GLDC: variants seen among roughly 807,000 people sequenced by gnomAD.
GLDC encodes the protein glycine decarboxylase.
GLDC carries 104 observed loss-of-function variants against 121.3 expected under a neutral mutation model. That is an observed-to-expected ratio of 0.86 (90% CI 0.73 to 1.01). GLDC has a LOEUF of 1.01. GLDC is among the 50% of genes least tolerant of loss of function. The pLI, the probability that GLDC is intolerant of heterozygous loss-of-function variation, is 0.00. For synonymous variants in GLDC, 546 were observed against 480.6 expected (o/e 1.14, Z -1.78); for missense variants, 1,429 against 1,306.6 (o/e 1.09, Z -1.44).
intron 16 of GLDC, among the ~76,000 whole-genome samples, chr9:6,561,649 G>GA (rs1446849758): frequency 8.9e-6 from 1 of 112,424 alleles, no homozygotes; most frequent in Non-Finnish European, 1.7e-5. Flanking sequence ...AGTCTCTCTT[G>GA]GGGGAAAAAA....
intron 4 of GLDC, among the ~76,000 whole-genome samples, chr9:6,609,692 T>A (rs1000870166): frequency 6.7e-6 from 1 of 149,962 alleles, no homozygotes; most frequent in Non-Finnish European, 1.5e-5. Flanking sequence ...TCCCGCCCTC[T>A]GCCCTCCCAA....
At chr9:6,592,252 A>G (rs954598915) in intron 10 of GLDC, 29 bp from the exon 11 acceptor site, 1 of 1,354,074 alleles carries the variant, frequency 7.4e-7, no homozygotes, top group Non-Finnish European at 1.1e-6. Context: ...AATGGAAAAC[A>G]TCAACTCTAA....
intron 4 of GLDC, among the ~76,000 whole-genome samples, chr9:6,608,769 TAATA>T (rs1183757329): frequency 5.3e-5 from 8 of 151,110 alleles, no homozygotes; most frequent in Admixed American, 2.6e-4. Context: ...AATTAATAAA[TAATA>T]AATAAATAAA....
chr9:6,624,201 A>G (rs1819184408), intron 2 of GLDC, among the ~76,000 whole-genome samples: 1 of 152,228 alleles, frequency 6.6e-6, no homozygotes, highest in Non-Finnish European at 1.5e-5. Flanking sequence ...GAGTGTTACA[A>G]GTTGAATTGT....
intron 2 of GLDC, among the ~76,000 whole-genome samples, chr9:6,636,707 C>G (rs1275183489): frequency 6.6e-6 from 1 of 151,814 alleles, no homozygotes; most frequent in Non-Finnish European, 1.5e-5. Flanking sequence ...CCCAGGAGGT[C>G]GAGGCTGCAG....
intron 6 of GLDC, 30 bp from the exon 7 acceptor site, chr9:6,604,814 G>A (rs1391399998): frequency 1.9e-6 from 3 of 1,567,370 alleles, no homozygotes; most frequent in Non-Finnish European, 2.6e-6. Context: ...AAAGGAACAA[G>A]GTTGCTACCT....
intron 7 of GLDC, among the ~76,000 whole-genome samples, chr9:6,602,578 C>T (rs1353140479): frequency 6.6e-6 from 1 of 151,990 alleles, no homozygotes; most frequent in Non-Finnish European, 1.5e-5. Context: ...GTCTTGAACT[C>T]CTGGCCTCAG....
rs376719104 is a variant in GLDC at position 6,592,237 on chromosome 9, A to C, written c.1402-14T>G. 2.0e-5 allele frequency: 30 copies of C among 1,510,362 alleles called. No individual in the cohort carries two copies. Among genetic ancestry groups the C allele is most frequent in the Non-Finnish European group, 2.7e-5 (29 of 1,086,448 alleles). 93.6% of individuals were successfully genotyped at this position (1,510,362 alleles called of 1,614,324 possible). On this transcript the variant is annotated splice_polypyrimidine_tract_variant and intron_variant, in intron 10 of 24. Transcript: ENST00000321612. Reference sequence around the variant, plus strand: ...AGAAATACCAAGCTACAGAAACACAAACAAAATGGAAAACATCAACTCTAA... The same window carrying C: ...AGAAATACCAAGCTACAGAAACACACACAAAATGGAAAACATCAACTCTAA...
intron 14 of GLDC, 90 bp from the exon 15 acceptor site, chr9:6,587,373 G>A (rs1818292441): frequency 3.0e-6 from 3 of 1,004,734 alleles, no homozygotes; most frequent in Non-Finnish European, 4.7e-6. Context: ...GATGAGAAAA[G>A]CTATGTGCCA....
At chr9:6,553,265 T>G in intron 20 of GLDC, 103 bp downstream of exon 20, 1 of 1,013,708 alleles carries the variant, frequency 9.9e-7, no homozygotes. Flanking sequence ...TCTCAGATCA[T>G]GAATTTATTT....
chr9:6,604,689 T>C lies in GLDC; in HGVS notation c.957A>G (p.Arg319=). 2 of 1,614,054 alleles carry C rather than the reference T, an allele frequency of 1.2e-6. No individual in the cohort carries two copies. Among genetic ancestry groups the C allele is most frequent in the African/African-American group, 1.3e-5 (1 of 75,034 alleles). Residue 319 remains arginine, a synonymous_variant, in exon 7 of 25, where the codon AGA becomes AGG. Transcript: ENST00000321612. ...GVDIALGSSQ[R]FGVPLGYGGP... is the part of the protein sequence containing the mutation. Reference sequence around the variant, plus strand: ...CCCCATAGCCCAGTGGCACTCCAAATCTCTGGGAGCTGCCCAGGGCGATGT... The same window carrying C: ...CCCCATAGCCCAGTGGCACTCCAAACCTCTGGGAGCTGCCCAGGGCGATGT...
intron 9 of GLDC, among the ~76,000 whole-genome samples, chr9:6,593,618 A>T (rs559774775): frequency 6.6e-6 from 1 of 151,546 alleles, no homozygotes; most frequent in South Asian, 2.1e-4. Context: ...ATGCTTTCCT[A>T]TAGATCACTA....
chr9:6,543,145 G>A (rs1817305723), intron 21 of GLDC, among the ~76,000 whole-genome samples: 1 of 151,532 alleles, frequency 6.6e-6, no homozygotes, highest in Non-Finnish European at 1.5e-5. Flanking sequence ...GTGTGTGGCA[G>A]ACATCTGTAG....
intron 2 of GLDC, among the ~76,000 whole-genome samples, chr9:6,627,346 T>C (rs146853358): frequency 1.3e-5 from 2 of 149,312 alleles, no homozygotes; most frequent in East Asian, 3.9e-4. Flanking sequence ...AACAAAATAT[T>C]AATTATCTGT....
intron 4 of GLDC, among the ~76,000 whole-genome samples, chr9:6,609,871 G>C (rs1436967518): frequency 6.6e-6 from 1 of 152,030 alleles, no homozygotes; most frequent in Non-Finnish European, 1.5e-5. Flanking sequence ...TGGGGGACCT[G>C]GCACCGGCTC....
At chr9:6,554,127 T>C (rs947014782) in intron 19 of GLDC, among the ~76,000 whole-genome samples, 2 of 152,208 alleles carry the variant, frequency 1.3e-5, no homozygotes, top group African/African-American at 4.8e-5. Flanking sequence ...TTTCCCAAGA[T>C]GATTTGATTT....
chr9:6,543,264 G>A (rs1329918943), intron 21 of GLDC, among the ~76,000 whole-genome samples: 1 of 152,152 alleles, frequency 6.6e-6, no homozygotes, highest in East Asian at 1.9e-4. Flanking sequence ...AATAAAGCAA[G>A]ACCGTCTCTT....
At chr9:6,558,521 T>C in intron 17 of GLDC, 38 bp downstream of exon 17, 4 of 1,612,232 alleles carry the variant, frequency 2.5e-6, no homozygotes, top group Non-Finnish European at 2.5e-6. Context: ...GCACTCCCCA[T>C]CCCGGCCTCT....
intron 2 of GLDC, among the ~76,000 whole-genome samples, chr9:6,635,539 C>G (rs1050634291): frequency 6.6e-6 from 1 of 152,166 alleles, no homozygotes; most frequent in Non-Finnish European, 1.5e-5. Flanking sequence ...CCGCTGCACT[C>G]TAGTCTGGGT....
Sources: allele counts gnomAD v4.1 joint callset (sites outside exome capture counted in the v4.1 genomes callset), GRCh38; gene constraint gnomAD v4.1.1; transcripts MANE v1.5; gene names NCBI Gene and HGNC (gene_info 2026-07-23, HGNC 2026-07-21).